CENPW: variants seen among roughly 807,000 people sequenced by gnomAD.
The protein encoded by CENPW is cancer-up-regulated gene 2 protein.
A neutral mutation model predicts 11.1 loss-of-function variants in CENPW; 3 were observed. The observed-to-expected ratio is 0.27, with a 90% confidence interval of 0.12 to 0.70. The LOEUF (loss-of-function observed/expected upper bound fraction) is 0.70, where lower values mean the gene tolerates loss of function less well. CENPW is among the 30% of genes least tolerant of loss of function. The probability of loss-of-function intolerance (pLI) is 0.77; values close to 1 mark genes in which losing one functional copy is unlikely to be tolerated. For synonymous variants in CENPW, 38 were observed against 42.0 expected (o/e 0.91, Z 0.37); for missense variants, 100 against 105.6 (o/e 0.95, Z 0.23).
At chr6:126,448,855 A>C in the CENPW span, among the ~76,000 whole-genome samples, 2 of 151,144 alleles carry the variant, frequency 1.3e-5, no homozygotes, top group African/African-American at 4.8e-5. Context: ...TGTCTCCCCC[A>C]AAAGTCGGTT....
At chr6:126,474,745 C>T in the CENPW span, among the ~76,000 whole-genome samples, 3 of 152,168 alleles carry the variant, frequency 2.0e-5, no homozygotes. Context: ...ACTGGTTTTA[C>T]ACTCAACTCA....
At chr6:126,425,594 A>AT in the CENPW span, among the ~76,000 whole-genome samples, 1 of 152,110 alleles carries the variant, frequency 6.6e-6, no homozygotes, top group Middle Eastern at 3.4e-3. Context: ...TTTCCATTCA[A>AT]TAAGAGTAGT....
the CENPW span, among the ~76,000 whole-genome samples, chr6:126,382,505 T>G: frequency 2.6e-5 from 4 of 151,954 alleles, no homozygotes; most frequent in African/African-American, 4.8e-5. Flanking sequence ...TCATTGAAAC[T>G]TAGGAGAACG....
chr6:126,432,707 T>C, the CENPW span, among the ~76,000 whole-genome samples: 1 of 152,270 alleles, frequency 6.6e-6, no homozygotes, highest in African/African-American at 2.4e-5. Context: ...TTCTAATGCC[T>C]CTCACTCAGA....
At chr6:126,439,106 T>C in the CENPW span, among the ~76,000 whole-genome samples, 1 of 151,746 alleles carries the variant, frequency 6.6e-6, no homozygotes, top group Admixed American at 6.6e-5. Flanking sequence ...AATAAATATT[T>C]ACTTATGCCT....
chr6:126,349,151 C>T (rs140471162), downstream of CENPW, among the ~76,000 whole-genome samples: 1,092 of 152,064 alleles, frequency 7.2e-3, 13 homozygotes, highest in African/African-American at 0.025. Context: ...TATGTATCAT[C>T]AAATAGTTGT....
chr6:126,461,723 C>A, the CENPW span, among the ~76,000 whole-genome samples: 1 of 151,728 alleles, frequency 6.6e-6, no homozygotes, highest in Non-Finnish European at 1.5e-5. Context: ...AGGCTTCTTC[C>A]CAAACAGAGA....
the CENPW span, among the ~76,000 whole-genome samples, chr6:126,455,073 G>A: frequency 5.3e-5 from 8 of 150,844 alleles, no homozygotes; most frequent in South Asian, 2.1e-4. Context: ...TGAATCAGTC[G>A]TTAGAAAGTC....
At chr6:126,452,819 A>G in the CENPW span, among the ~76,000 whole-genome samples, 1 of 151,070 alleles carries the variant, frequency 6.6e-6, no homozygotes, top group Non-Finnish European at 1.5e-5. Context: ...TAAATCCATG[A>G]CCAGACACAT....
the CENPW span, among the ~76,000 whole-genome samples, chr6:126,392,757 T>C: frequency 2.6e-5 from 4 of 152,026 alleles, no homozygotes; most frequent in South Asian, 8.3e-4. Context: ...TCTAGTATTC[T>C]TTTTCTCATG....
chr6:126,390,231 T>G, the CENPW span, among the ~76,000 whole-genome samples: 1 of 151,948 alleles, frequency 6.6e-6, no homozygotes, highest in Non-Finnish European at 1.5e-5. Flanking sequence ...ACTACTGCAA[T>G]AGCTTGCTAA....
chr6:126,465,264 A>C, the CENPW span, among the ~76,000 whole-genome samples: 1 of 152,156 alleles, frequency 6.6e-6, no homozygotes, highest in Non-Finnish European at 1.5e-5. Flanking sequence ...AAAATTAAAA[A>C]CAGAGTTTAC....
At chr6:126,389,353 A>G in the CENPW span, among the ~76,000 whole-genome samples, 1 of 151,862 alleles carries the variant, frequency 6.6e-6, no homozygotes, top group African/African-American at 2.4e-5. Context: ...AAACGTTTCC[A>G]AAGGTTTCTA....
chr6:126,360,415 T>C, the CENPW span, among the ~76,000 whole-genome samples: 3 of 152,164 alleles, frequency 2.0e-5, no homozygotes, highest in Non-Finnish European at 4.4e-5. Context: ...GGAATAGTTG[T>C]CTCCTATAGT....
the CENPW span, among the ~76,000 whole-genome samples, chr6:126,427,746 C>A: frequency 6.6e-6 from 1 of 151,982 alleles, no homozygotes. Context: ...TGTGACAAAC[C>A]CCATTTTCCA....
At chr6:126,385,928 AGAAG>A in the CENPW span, among the ~76,000 whole-genome samples, 2 of 152,244 alleles carry the variant, frequency 1.3e-5, no homozygotes, top group South Asian at 4.1e-4. Flanking sequence ...CATATTGAAA[AGAAG>A]GAGGAGAAGA....
chr6:126,409,674 C>CT, the CENPW span, among the ~76,000 whole-genome samples: 1 of 151,798 alleles, frequency 6.6e-6, no homozygotes, highest in Admixed American at 6.6e-5. Context: ...ATCTTTTAGT[C>CT]TTTTTTTAGT....
chr6:126,354,847 A>C, the CENPW span, among the ~76,000 whole-genome samples: 1 of 152,080 alleles, frequency 6.6e-6, no homozygotes, highest in Non-Finnish European at 1.5e-5. Flanking sequence ...CGTATACTCC[A>C]ACTAGGGTAA....
the CENPW span, among the ~76,000 whole-genome samples, chr6:126,476,114 G>A: frequency 6.6e-6 from 1 of 151,552 alleles, no homozygotes; most frequent in Non-Finnish European, 1.5e-5. Context: ...AGGTGATTAA[G>A]TTTTTCCCCT....
Sources: allele counts gnomAD v4.1 joint callset (sites outside exome capture counted in the v4.1 genomes callset), GRCh38; gene constraint gnomAD v4.1.1; transcripts MANE v1.5; gene names NCBI Gene and HGNC (gene_info 2026-07-23, HGNC 2026-07-21).